Variants in LARP1B observed in about 807,000 individuals in gnomAD.
The protein encoded by LARP1B is la-related protein 1B.
In LARP1B, 76 loss-of-function variants were observed where a neutral mutation model predicts 114.2. The observed-to-expected ratio is 0.67, with a 90% CI of 0.55 to 0.81. LARP1B has a LOEUF of 0.81. Ranked by LOEUF, LARP1B falls within the 30% of genes least tolerant of loss-of-function variation. LARP1B has a pLI of 0.00. For synonymous variants in LARP1B, 345 were observed against 348.0 expected (o/e 0.99, Z 0.10); for missense variants, 1,014 against 1,075.8 (o/e 0.94, Z 0.80).
At chr4:128,115,848 G>A (rs928513405) in intron 10 of LARP1B, among the ~76,000 whole-genome samples, 5 of 152,028 alleles carry the variant, frequency 3.3e-5, no homozygotes, top group African/African-American at 1.2e-4. Context: ...TGGTAGAGAC[G>A]GGATTACACC....
At chr4:128,219,696 G>A (rs1360410359) in intron 6 of LARP1B, among the ~76,000 whole-genome samples, 1 of 142,634 alleles carries the variant, frequency 7.0e-6, no homozygotes, top group African/African-American at 2.6e-5. Context: ...CCTAATGCTA[G>A]ATGACGCGTT....
At chr4:128,127,281 A>G (rs879558549) in intron 11 of LARP1B, among the ~76,000 whole-genome samples, 2 of 152,224 alleles carry the variant, frequency 1.3e-5, no homozygotes, top group Non-Finnish European at 2.9e-5. Context: ...TAATAAATAC[A>G]TGAATAAACC....
chr4:128,067,452 A>G (rs562087031), intron 1 of LARP1B, among the ~76,000 whole-genome samples: 1 of 152,322 alleles, frequency 6.6e-6, no homozygotes, highest in East Asian at 1.9e-4. Context: ...GACAGAAATT[A>G]TGAATTTTCT....
chr4:128,130,016 TA>T (rs1217999749), intron 11 of LARP1B, among the ~76,000 whole-genome samples: 2 of 152,166 alleles, frequency 1.3e-5, no homozygotes, highest in Non-Finnish European at 2.9e-5. Flanking sequence ...TAGAATTCTT[TA>T]AAATTCAGAA....
chr4:128,155,708 G>T (rs1219971150), intron 11 of LARP1B: 181 of 1,606,892 alleles, frequency 1.1e-4, no homozygotes, highest in Non-Finnish European at 1.5e-4. Flanking sequence ...GAAGAGGAGC[G>T]CCGCCGAGTA....
chr4:128,095,938 T>G (rs1396586943), intron 7 of LARP1B, among the ~76,000 whole-genome samples: 1 of 152,138 alleles, frequency 6.6e-6, no homozygotes, highest in Non-Finnish European at 1.5e-5. Flanking sequence ...CCCGTTTGTC[T>G]TCTTCTCTGT....
intron 1 of LARP1B, among the ~76,000 whole-genome samples, chr4:128,065,123 G>A (rs999442429): frequency 6.6e-6 from 1 of 152,022 alleles, no homozygotes; most frequent in Non-Finnish European, 1.5e-5. Context: ...GTTGTCTTGT[G>A]TAGGCAACTC....
At position 128,073,572 on chromosome 4, in the gene LARP1B, G is replaced by GTTTTTTTTTTTTTTTTTTTTTTTTTT. The variant is rs568197117; in HGVS notation, c.-77-876_-77-851dup. On this transcript the variant is annotated intron_variant, in intron 1 of 19. Coordinates refer to ENST00000326639, the MANE Select transcript of LARP1B (RefSeq NM_018078.4). ...AATTTTCTCCTGTTATATTGTTGTC[G>GTTTTTTTTTTTTTTTTTTTTTTTTTT]TTTTTTTTTTTTTTTTTTTTTTTTT... Among the ~76,000 whole-genome samples, 6 of 39,996 alleles carry GTTTTTTTTTTTTTTTTTTTTTTTTTT rather than the reference G, an allele frequency of 1.5e-4. 2 individuals carry two copies. Among genetic ancestry groups the GTTTTTTTTTTTTTTTTTTTTTTTTTT allele is most frequent in the Non-Finnish European group, 2.0e-4 (4 of 19,988 alleles). The allele number at this position is 39,996 out of a possible 152,430, so 26.2% of individuals were successfully genotyped here. A position where few individuals can be genotyped will look rare whatever the true frequency, so the allele number is the denominator to read the frequency against.
At chr4:128,132,046 C>G (rs1267029288) in intron 11 of LARP1B, among the ~76,000 whole-genome samples, 1 of 152,154 alleles carries the variant, frequency 6.6e-6, no homozygotes, top group Non-Finnish European at 1.5e-5. Flanking sequence ...CTAGCAATTC[C>G]ACTTTTATGT....
chr4:128,099,783 GTA>G (rs976168105), intron 8 of LARP1B, among the ~76,000 whole-genome samples: 5 of 151,946 alleles, frequency 3.3e-5, no homozygotes, highest in Non-Finnish European at 5.9e-5. Context: ...TTGCTGGAAA[GTA>G]TAGTAAGTAT....
intron 7 of LARP1B, among the ~76,000 whole-genome samples, chr4:128,097,754 T>TC (rs1443458166): frequency 6.6e-6 from 1 of 152,182 alleles, no homozygotes; most frequent in Non-Finnish European, 1.5e-5. Context: ...ATACCACTCT[T>TC]CTCAGCGACT....
rs760763859 is a variant in LARP1B, at chr4:128,107,236, G to C, written c.911G>C (p.Ser304Thr). 6 of 1,614,154 alleles carry C rather than the reference G, an allele frequency of 3.7e-6. No homozygotes were observed. The South Asian group carries it at 6.6e-5, about 18-fold the overall frequency. ...KWPIPGPPPR[S>T]VPPTDFSQLI... ...CCAATTCCAGGCCCTCCTCCACGCA[G>C]TGTGCCACCAACAGACTTCTCTCAA... The change falls in exon 9 of 20, where the codon AGT (serine) becomes ACT (threonine). Residue 304 changes from serine (S) to threonine (T), a missense_variant. By Grantham distance (58) the Ser-to-Thr change is moderately conservative. Transcript: ENST00000326639.
rs552390436 is a variant in LARP1B, at chr4:128,134,285, G to A, written c.1524+12097G>A. ...CAAAGTATTGGGATTACAGGTGTGA[G>A]CTACTGAAGCTGGCTGGGTAAATGA... is the stretch of plus-strand genomic sequence containing the variant. On this transcript the variant is annotated intron_variant, in intron 11 of 19. Transcript: ENST00000326639. Among the ~76,000 whole-genome samples, 90 of 152,202 alleles carry A rather than the reference G, an allele frequency of 5.9e-4. 1 individual carries two copies. The South Asian group carries it at 0.016, about 28-fold the overall frequency.
chr4:128,222,540 G>T, exon 8 of LARP1B: 1 of 267,884 alleles, frequency 3.7e-6, no homozygotes, highest in South Asian at 3.5e-5. Context: ...TTCTGCCCTG[G>T]GACATTTTTA....
intron 11 of LARP1B, chr4:128,155,957 G>A: frequency 6.5e-7 from 1 of 1,531,114 alleles, no homozygotes; most frequent in Non-Finnish European, 9.0e-7. Flanking sequence ...AGCGGCACCA[G>A]CAGCCCGCCA....
chr4:128,176,964 C>A, intron 13 of LARP1B, 57 bp downstream of exon 13: 1 of 1,438,206 alleles, frequency 7.0e-7, no homozygotes, highest in Non-Finnish European at 9.8e-7. Flanking sequence ...ATTGGGTATA[C>A]AAAAGATGCA....
At chr4:128,072,209 C>T (rs1011473037) in intron 1 of LARP1B, among the ~76,000 whole-genome samples, 1 of 152,032 alleles carries the variant, frequency 6.6e-6, no homozygotes, top group African/African-American at 2.4e-5. Context: ...CCATGTTGGC[C>T]AGGCTGCTCT....
At chr4:128,140,824 G>GTTGTTGTTTTT (rs55639320) in intron 11 of LARP1B, among the ~76,000 whole-genome samples, 1 of 138,604 alleles carries the variant, frequency 7.2e-6, no homozygotes, top group East Asian at 2.1e-4. Context: ...AATTGTCTCT[G>GTTGTTGTTTTT]TTTTTTTTTT....
At chr4:128,126,416 C>G (rs189699130) in intron 11 of LARP1B, among the ~76,000 whole-genome samples, 2 of 152,136 alleles carry the variant, frequency 1.3e-5, no homozygotes, top group African/African-American at 2.4e-5. Flanking sequence ...AGCCACCATG[C>G]CTGGCCCCTT....
Sources: allele counts gnomAD v4.1 joint callset (sites outside exome capture counted in the v4.1 genomes callset), GRCh38; gene constraint gnomAD v4.1.1; transcripts MANE v1.5; gene names NCBI Gene and HGNC (gene_info 2026-07-23, HGNC 2026-07-21).